Variants in MECR observed in about 807,000 individuals in gnomAD.
The protein encoded by MECR is mitochondrial trans-2-enoyl-CoA reductase, also known as enoyl-[acyl-carrier-protein] reductase, mitochondrial.
In MECR, 37 loss-of-function variants were observed where a neutral mutation model predicts 49.1. The observed-to-expected ratio is 0.75, with a 90% CI of 0.58 to 0.99. The LOEUF (loss-of-function observed/expected upper bound fraction) is 0.99. MECR is among the 50% of genes least tolerant of loss of function. The probability of loss-of-function intolerance (pLI) is 0.00; values close to 1 mark genes in which losing one functional copy is unlikely to be tolerated. For missense variants in MECR, 470 were observed against 479.6 expected (o/e 0.98, Z 0.19); for synonymous variants, 198 against 191.1 (o/e 1.04, Z -0.30).
chr1:29,203,281 A>G (rs928448832), intron 4 of MECR, 48 bp from the exon 5 acceptor site: 3 of 1,444,630 alleles, frequency 2.1e-6, no homozygotes, highest in African/African-American at 2.8e-5. Context: ...TAGATCTGCA[A>G]TAGGTCAAAG....
intron 7 of MECR, among the ~76,000 whole-genome samples, chr1:29,197,693 G>A (rs1674332072): frequency 6.6e-6 from 1 of 152,154 alleles, no homozygotes; most frequent in South Asian, 2.1e-4. Context: ...GGTCTTAAGT[G>A]CCCCTTGACT....
the MECR span, among the ~76,000 whole-genome samples, chr1:29,174,545 A>G: frequency 6.6e-6 from 1 of 152,170 alleles, no homozygotes; most frequent in African/African-American, 2.4e-5. Flanking sequence ...CTTAATGACA[A>G]AGGAAAAGGA....
chr1:29,188,961 C>A (rs1029101905), downstream of MECR, among the ~76,000 whole-genome samples: 51 of 146,552 alleles, frequency 3.5e-4, no homozygotes, highest in African/African-American at 1.3e-3. Flanking sequence ...TTGTATGAGA[C>A]GGAGATTCAC....
intron 3 of MECR, among the ~76,000 whole-genome samples, chr1:29,211,990 T>C (rs1319001886): frequency 2.0e-5 from 3 of 152,244 alleles, no homozygotes; most frequent in Non-Finnish European, 4.4e-5. Context: ...AGAAAGACCA[T>C]GTCTGTTCAC....
rs866785367 is a variant in MECR, at chr1:29,230,744, C to G, written c.163G>C (p.Ala55Pro). The change falls in exon 1 of 10, where the codon GCC becomes CCC. Residue 55 changes from alanine (A) to proline (P), a missense_variant. Transcript: ENST00000263702. ...ALVYGHHGDP[A>P]KVVELKNLEL... Reference sequence around the variant, plus strand: ...GCCGTCTCTTACTCGACGACCTTGGCTGGATCCCCGTGGTGCCCATAGACA... The same window carrying G: ...GCCGTCTCTTACTCGACGACCTTGGGTGGATCCCCGTGGTGCCCATAGACA... The G allele has an allele frequency of 3.8e-6, 6 of 1,583,972 alleles. No individual in the cohort carries two copies. The highest frequency in any genetic ancestry group is 5.1e-6 in the Non-Finnish European group (6 of 1,165,266).
At chr1:29,225,079 G>A (rs781662442) in intron 1 of MECR, among the ~76,000 whole-genome samples, 13 of 152,230 alleles carry the variant, frequency 8.5e-5, no homozygotes, top group Admixed American at 2.0e-4. Flanking sequence ...GGGTAGCAGG[G>A]CTTGGCCCTA....
Position 29,201,350 on chromosome 1 carries a change from G to T in MECR, c.756+593C>A, listed in dbSNP as rs767919181. 3.8e-6 allele frequency: 2 copies of T among 525,676 alleles called. No individual in the cohort carries two copies. The highest frequency in any genetic ancestry group is 7.8e-6 in the Non-Finnish European group (2 of 257,952). 32.6% of individuals were successfully genotyped at this position (525,676 alleles called of 1,614,324 possible). A position where few individuals can be genotyped will look rare whatever the true frequency, so the allele number is the denominator to read the frequency against. ...GTTCCTCCAGATGGTTCAGTGAAAAGGGGCTGAGGGTCTGGTCACTTACTA... is the reference window on the plus strand; with the variant it reads ...GTTCCTCCAGATGGTTCAGTGAAAATGGGCTGAGGGTCTGGTCACTTACTA... On this transcript the variant is annotated intron_variant, in intron 6 of 9. Transcript: ENST00000263702. This position sits in a 1 kb window ranked among gnomAD's most constrained non-coding sequence, Gnocchi z 4.3.
rs1171444075 is a variant in MECR, at chr1:29,201,391, G to A, written c.756+552C>T. Reference sequence around the variant, plus strand: ...TCACTTACTAGGCATGTTGTGGGGTGGAGGTTCTGGAAGGTTAAGAGGCTT... The same window carrying A: ...TCACTTACTAGGCATGTTGTGGGGTAGAGGTTCTGGAAGGTTAAGAGGCTT... On this transcript the variant is annotated intron_variant, in intron 6 of 9. Transcript: ENST00000263702. The surrounding 1 kb of genome is among the most constrained non-coding windows in gnomAD (Gnocchi z 4.3). 5 of 533,090 alleles carry A rather than the reference G, an allele frequency of 9.4e-6. No individual in the cohort carries two copies. Among genetic ancestry groups the A allele is most frequent in the South Asian group, 7.0e-5 (5 of 71,388 alleles). The allele number at this position is 533,090 out of a possible 1,614,324, so 33.0% of individuals were successfully genotyped here. A position where few individuals can be genotyped will look rare whatever the true frequency, so the allele number is the denominator to read the frequency against.
At chr1:29,208,284 G>A (rs924424068) in intron 3 of MECR, among the ~76,000 whole-genome samples, 2 of 152,184 alleles carry the variant, frequency 1.3e-5, no homozygotes, top group African/African-American at 2.4e-5. Flanking sequence ...GAGCCACTGC[G>A]CCCGGCCTGA....
At chr1:29,207,128 A>G (rs1676799554) in intron 3 of MECR, among the ~76,000 whole-genome samples, 2 of 149,716 alleles carry the variant, frequency 1.3e-5, no homozygotes, top group South Asian at 2.1e-4. Context: ...ATTCTTTTTA[A>G]TTTTTTTTTT....
intron 5 of MECR, 97 bp downstream of exon 5, chr1:29,203,034 G>T: frequency 1.0e-6 from 1 of 967,960 alleles, no homozygotes; most frequent in Non-Finnish European, 1.5e-6. Flanking sequence ...TTATGCTTAT[G>T]CAAGGGCGCC....
At chr1:29,188,350 C>T (rs1005268114), downstream of MECR, among the ~76,000 whole-genome samples, 6 of 151,800 alleles carry the variant, frequency 4.0e-5, no homozygotes, top group South Asian at 2.1e-4. Flanking sequence ...CCACCACGCC[C>T]GGCTAATTTT....
chr1:29,228,776 C>A (rs1310340978), intron 1 of MECR: 1 of 152,168 alleles, frequency 6.6e-6, no homozygotes, highest in Non-Finnish European at 1.5e-5. Flanking sequence ...CAACTGCATT[C>A]AGCTGAACTT....
At chr1:29,223,327 G>T in intron 1 of MECR, 1 of 979,830 alleles carries the variant, frequency 1.0e-6, no homozygotes, top group Non-Finnish European at 1.2e-6. Flanking sequence ...TGAGAGGGGG[G>T]AAAAGAGGCC....
chr1:29,195,928 G>A lies in MECR; in HGVS notation c.964+13C>T, dbSNP rs748650952. The stretch of plus-strand genomic sequence containing the variant: ...CCTCATCTGTGACTCTTGGCACTGG[G>A]CCATGCACTCACCTGGACTGTGATC... On this transcript the variant is annotated intron_variant, in intron 9 of 9. Coordinates refer to ENST00000263702, the MANE Select transcript of MECR (RefSeq NM_016011.5). 1.5e-5 allele frequency: 25 copies of A among 1,613,812 alleles called. 1 individual carries two copies. The Admixed American group carries it at 4.0e-4, about 26-fold the overall frequency.
At chr1:29,181,316 T>G in the MECR span, among the ~76,000 whole-genome samples, 2 of 152,160 alleles carry the variant, frequency 1.3e-5, no homozygotes, top group Non-Finnish European at 2.9e-5. Flanking sequence ...GGGCCCCAGT[T>G]CCGGGCCTAG....
intron 1 of MECR, among the ~76,000 whole-genome samples, chr1:29,229,240 T>C (rs1682863659): frequency 6.6e-6 from 1 of 151,786 alleles, no homozygotes; most frequent in African/African-American, 2.4e-5. Context: ...TCTCGCTCTG[T>C]TGCCCAGGCT....
chr1:29,217,816 G>A lies in MECR; in HGVS notation c.177-1131C>T, dbSNP rs142118479. Among the ~76,000 whole-genome samples the A allele has an allele frequency of 2.9e-3, 446 of 152,308 alleles. 3 individuals are homozygous for A. Among genetic ancestry groups the A allele is most frequent in the African/African-American group, 0.01 (428 of 41,574 alleles). On this transcript the variant is annotated intron_variant, in intron 1 of 9. Transcript: ENST00000263702. The stretch of plus-strand genomic sequence containing the variant: ...TTTCTGTTAGTTGCAGAGTGTGGGC[G>A]TAATGGGGAGATGGCCTATGTAGTT...
intron 3 of MECR, among the ~76,000 whole-genome samples, chr1:29,212,561 C>T (rs1367396086): frequency 6.6e-6 from 1 of 152,154 alleles, no homozygotes; most frequent in African/African-American, 2.4e-5. Flanking sequence ...AAAGTATTGC[C>T]AAGTCCTGTT....
Sources: allele counts gnomAD v4.1 joint callset (sites outside exome capture counted in the v4.1 genomes callset), GRCh38; gene constraint gnomAD v4.1.1; non-coding constraint Gnocchi (gnomAD v3.1); transcripts MANE v1.5; gene names NCBI Gene and HGNC (gene_info 2026-07-23, HGNC 2026-07-21).